Variants in TMEM208 observed in about 807,000 individuals in gnomAD.
The protein encoded by TMEM208 is transmembrane protein 208.
Under a neutral mutation model 26.4 loss-of-function variants are expected in TMEM208, and 19 were observed. The ratio of observed to expected loss-of-function variants is 0.72; its 90% confidence interval spans 0.50 to 1.06. The LOEUF is 1.06. TMEM208 is among the 50% of genes least tolerant of loss of function. The pLI, the probability that TMEM208 is intolerant of heterozygous loss-of-function variation, is 0.00. For synonymous variants in TMEM208, 93 were observed against 83.1 expected (o/e 1.12, Z -0.65); for missense variants, 183 against 219.8 (o/e 0.83, Z 1.06).
intron 1 of TMEM208, chr16:67,227,518 A>C (rs1179658914): frequency 7.2e-6 from 4 of 556,682 alleles, no homozygotes; most frequent in African/African-American, 3.8e-5. Context: ...GCACCATTCA[A>C]CTCCGCTCAG....
rs773193944 is a variant in TMEM208, at chr16:67,229,090, C to T, written c.499C>T (p.Arg167Trp). 11 of 1,610,996 alleles carry T rather than the reference C, an allele frequency of 6.8e-6. No individual in the cohort carries two copies. The highest frequency in any genetic ancestry group is 1.7e-4 in the Middle Eastern group (1 of 6,036). The change falls in exon 6 of 6, where the codon CGG becomes TGG. Residue 167 changes from arginine to tryptophan, a missense_variant. Arg to Trp is a moderately radical substitution (Grantham distance 101). Coordinates refer to ENST00000304800, the MANE Select transcript of TMEM208 (RefSeq NM_014187.4). ...TGAGAAACGGCAGCGCCGACAGGAGCGGCGGCAGATGAAGCGGTTATAGCC... is the reference window on the plus strand; with the variant it reads ...TGAGAAACGGCAGCGCCGACAGGAGTGGCGGCAGATGAAGCGGTTATAGCC... Reference protein sequence around the residue: ...HNEKRQRRQERRQMKRL With the variant: ...HNEKRQRRQEWRQMKRL
In TMEM208 at chr16:67,227,135, T is replaced by C. The variant is rs1007115283; in HGVS notation, c.-84T>C. ...TGACGACTTCGGTCTGCGCCGGAAGTGCATGAGCTGCCGATGTGGTGCTTA... is the reference window on the plus strand; with the variant it reads ...TGACGACTTCGGTCTGCGCCGGAAGCGCATGAGCTGCCGATGTGGTGCTTA... On this transcript the variant is annotated 5_prime_UTR_variant, in exon 1 of 6. Transcript: ENST00000304800. 7.5e-6 allele frequency: 12 copies of C among 1,589,704 alleles called. No homozygotes were observed. The highest frequency in any genetic ancestry group is 1.7e-5 in the Admixed American group (1 of 59,030).
At chr16:67,227,434 C>T (rs762171593) in intron 1 of TMEM208, among the ~76,000 whole-genome samples, 1 of 152,208 alleles carries the variant, frequency 6.6e-6, no homozygotes, top group Non-Finnish European at 1.5e-5. Context: ...AGTACCAGGG[C>T]AGGCCAGAGA....
chr16:67,227,346 C>G, intron 1 of TMEM208, 122 bp downstream of exon 1: 1 of 1,405,484 alleles, frequency 7.1e-7, no homozygotes, highest in Non-Finnish European at 9.8e-7. Context: ...CATCCCTGGC[C>G]AGACCGTGCT....
rs767815279 is a variant in TMEM208 at position 67,227,927 on chromosome 16, C to A, written c.98C>A (p.Ala33Asp). 1 of 1,607,018 alleles carries A rather than the reference C, an allele frequency of 6.2e-7. No homozygotes were observed. The highest frequency in any genetic ancestry group is 1.1e-5 in the South Asian group (1 of 89,604). Reference sequence around the variant, plus strand: ...TTCTACCTGCGGATCATACTGGGGGCCAATGTAAGTGCCTACCTCCTTGCT... The same window carrying A: ...TTCTACCTGCGGATCATACTGGGGGACAATGTAAGTGCCTACCTCCTTGCT... ...LKFYLRIILGANAIYCLVTLV... is the reference protein window; with the variant it reads ...LKFYLRIILGDNAIYCLVTLV... Residue 33 changes from alanine (A) to aspartate (D), a missense_variant, in exon 2 of 6, where the codon GCC (alanine) becomes GAC (aspartate). Ala to Asp is a moderately radical substitution (Grantham distance 126). Transcript: ENST00000304800.
chr16:67,228,041 A>T, intron 2 of TMEM208, 110 bp downstream of exon 2: 1 of 842,052 alleles, frequency 1.2e-6, no homozygotes, highest in East Asian at 2.7e-5. Flanking sequence ...AGAGAGCTCC[A>T]GTCAAAAAGA....
In TMEM208 at chr16:67,228,011, G is replaced by A. The variant is rs2034090859; in HGVS notation, c.102+80G>A. 2.5e-6 allele frequency: 3 copies of A among 1,202,912 alleles called. No individual in the cohort carries two copies. In the East Asian group the frequency reaches 7.6e-5, roughly 31 times the overall value. 74.5% of individuals were successfully genotyped at this position (1,202,912 alleles called of 1,614,324 possible). A position where few individuals can be genotyped will look rare whatever the true frequency, so the allele number is the denominator to read the frequency against. On this transcript the variant is annotated intron_variant, in intron 2 of 5. Transcript: ENST00000304800. Reference sequence around the variant, plus strand: ...CAGCCCTGCTTGGTGACGAGGAGTGGTACCCGAAAAAGCTCTAGAAGAGAG... The same window carrying A: ...CAGCCCTGCTTGGTGACGAGGAGTGATACCCGAAAAAGCTCTAGAAGAGAG...
rs2034087924 is a variant in TMEM208, at chr16:67,227,946, CCTTG to C, written c.102+19_102+22del. On this transcript the variant is annotated intron_variant, in intron 2 of 5. Transcript: ENST00000304800. The stretch of plus-strand genomic sequence containing the variant: ...TGGGGGCCAATGTAAGTGCCTACCT[CCTTG>C]CTTCTATGCCCACTTATAGTCAGTT... 1 of 1,591,624 alleles carries C rather than the reference CCTTG, an allele frequency of 6.3e-7. No homozygotes were observed. The highest frequency in any genetic ancestry group is 8.6e-7 in the Non-Finnish European group (1 of 1,167,388).
rs1567378201 is a variant in TMEM208 at position 67,227,622 on chromosome 16, AGAGGCGATT to A, written c.7-211_7-203del. The stretch of plus-strand genomic sequence containing the variant: ...GGATTGAATTGTTCCAGGGCGAGCA[AGAGGCGATT>A]GATCCTAGCTGCGGGTGCTGGAGAG... On this transcript the variant is annotated intron_variant, in intron 1 of 5. Transcript: ENST00000304800. The A allele has an allele frequency of 1.2e-4, 70 of 579,626 alleles. No individual in the cohort carries two copies. The South Asian group carries it at 1.3e-3, about 11-fold the overall frequency. The allele number at this position is 579,626 out of a possible 1,614,324, so 35.9% of individuals were successfully genotyped here. A position where few individuals can be genotyped will look rare whatever the true frequency, so the allele number is the denominator to read the frequency against.
In TMEM208 at chr16:67,227,174, C is replaced by A. The variant is rs763907858; in HGVS notation, c.-45C>A. Reference sequence around the variant, plus strand: ...ATGTGGTGCTTAGTGATTGCGGTTTCGGTCGCTCTCCCGTGTTTCCCGGGC... The same window carrying A: ...ATGTGGTGCTTAGTGATTGCGGTTTAGGTCGCTCTCCCGTGTTTCCCGGGC... On this transcript the variant is annotated 5_prime_UTR_variant, in exon 1 of 6. An upstream open reading frame in the 5' UTR gains an earlier in-frame stop. Coordinates refer to ENST00000304800, the MANE Select transcript of TMEM208 (RefSeq NM_014187.4). 3.1e-6 allele frequency: 5 copies of A among 1,608,708 alleles called. No homozygotes were observed. Among genetic ancestry groups the A allele is most frequent in the African/African-American group, 1.3e-5 (1 of 75,000 alleles).
rs1243240731 is a variant in TMEM208, at chr16:67,228,518, A to C, written c.186A>C (p.Ala62=). The part of the protein sequence containing the change: ...WAWLALGFSL[A]VYGASYHSMS... The stretch of plus-strand genomic sequence containing the variant: ...AGTTGGCCCTGGGCTTTAGTCTGGC[A>C]GTGTATGGGGCCAGCTACCACTCTA... Residue 62 remains alanine, a synonymous_variant, in exon 4 of 6, where the codon GCA becomes GCC. Coordinates refer to ENST00000304800, the MANE Select transcript of TMEM208 (RefSeq NM_014187.4). The C allele has an allele frequency of 3.1e-6, 5 of 1,613,048 alleles. No individual in the cohort carries two copies. The African/African-American group carries it at 4.0e-5, about 13-fold the overall frequency.
chr16:67,227,986 C>T, intron 2 of TMEM208, 55 bp downstream of exon 2: 1 of 1,429,508 alleles, frequency 7.0e-7, no homozygotes, highest in Non-Finnish European at 9.6e-7. Context: ...CCCTAGTCCT[C>T]AGCCCTGCTT....
chr16:67,228,396 T>C lies in TMEM208; in HGVS notation c.144T>C (p.Ser48=), dbSNP rs1389807343. ...CLVTLVFFYS[S]ASFWAWLALG... is the part of the protein sequence containing the mutation. ...TGACGTTGGTCTTCTTTTACTCATC[T>C]GCCTCATTTTGGGCCTGGGTAAGTA... The change falls in exon 3 of 6, where the codon TCT becomes TCC. Residue 48 remains serine (S), a synonymous_variant. Transcript: ENST00000304800. 1.2e-6 allele frequency: 2 copies of C among 1,614,034 alleles called. No individual in the cohort carries two copies. Among genetic ancestry groups the C allele is most frequent in the South Asian group, 1.1e-5 (1 of 91,082 alleles).
At chr16:67,227,703 C>T (rs1281510800) in intron 1 of TMEM208, 133 bp from the exon 2 acceptor site, 3 of 677,894 alleles carry the variant, frequency 4.4e-6, no homozygotes, top group Non-Finnish European at 7.5e-6. Flanking sequence ...GGTGGACATC[C>T]CAGGGATTTT....
rs1163594040 is a variant in TMEM208 at position 67,227,914 on chromosome 16, A to C, written c.85A>C (p.Ile29Leu). 1 of 1,610,116 alleles carries C rather than the reference A, an allele frequency of 6.2e-7. No homozygotes were observed. Among genetic ancestry groups the C allele is most frequent in the Non-Finnish European group, 8.5e-7 (1 of 1,178,156 alleles). Residue 29 changes from isoleucine (I) to leucine (L), a missense_variant, in exon 2 of 6, where the codon ATC (isoleucine) becomes CTC (leucine). Ile to Leu is a conservative substitution (Grantham distance 5). Coordinates refer to ENST00000304800, the MANE Select transcript of TMEM208 (RefSeq NM_014187.4). ...AGAGACTCTGAAGTTCTACCTGCGG[A>C]TCATACTGGGGGCCAATGTAAGTGC... The part of the protein sequence containing the change: ...NRETLKFYLR[I>L]ILGANAIYCL...
At chr16:67,227,754 T>C (rs2034077368) in intron 1 of TMEM208, 82 bp from the exon 2 acceptor site, 1 of 1,149,134 alleles carries the variant, frequency 8.7e-7, no homozygotes, top group South Asian at 1.5e-5. Flanking sequence ...GAGTTGCGGA[T>C]GGAGCTCTAT....
chr16:67,227,742 C>A, intron 1 of TMEM208, 94 bp from the exon 2 acceptor site: 1 of 990,394 alleles, frequency 1.0e-6, no homozygotes, highest in Non-Finnish European at 1.5e-6. Context: ...GGGGACCTGG[C>A]TGAGTTGCGG....
Position 67,228,966 on chromosome 16 carries a change from T to G in TMEM208, c.385-10T>G. ...CTGCATCTTGCTTCAAGTTACCGTT[T>G]CTCTTGTAGGCTCCAGGCCGGGCCC... On this transcript the variant is annotated splice_polypyrimidine_tract_variant and intron_variant, in intron 5 of 5. Transcript: ENST00000304800. The G allele has an allele frequency of 6.2e-7, 1 of 1,608,492 alleles. No homozygotes were observed. The highest frequency in any genetic ancestry group is 8.5e-7 in the Non-Finnish European group (1 of 1,176,806).
At position 67,227,944 on chromosome 16, in the gene TMEM208, C is replaced by T. The variant is rs6499116; in HGVS notation, c.102+13C>T. 22,974 of 1,590,874 alleles carry T rather than the reference C, an allele frequency of 0.014. 1,616 individuals carry two copies. In the African/African-American group the frequency reaches 0.19, roughly 13 times the overall value. ...ACTGGGGGCCAATGTAAGTGCCTAC[C>T]TCCTTGCTTCTATGCCCACTTATAG... On this transcript the variant is annotated intron_variant, in intron 2 of 5. Transcript: ENST00000304800.
Sources: allele counts gnomAD v4.1 joint callset (sites outside exome capture counted in the v4.1 genomes callset), GRCh38; gene constraint gnomAD v4.1.1; transcripts MANE v1.5; gene names NCBI Gene and HGNC (gene_info 2026-07-23, HGNC 2026-07-21).